DSCAM: variants seen among roughly 807,000 people sequenced by gnomAD.
DSCAM encodes DS cell adhesion molecule, also known as cell adhesion molecule DSCAM.
DSCAM carries 47 observed loss-of-function variants against 217.7 expected under a neutral mutation model. That is an observed-to-expected ratio of 0.22 (90% confidence interval 0.17 to 0.28). The LOEUF is 0.28. DSCAM is among the 10% of genes least tolerant of loss of function. DSCAM has a pLI of 1.00. For synonymous variants in DSCAM, 1,056 were observed against 1,015.3 expected, an observed-to-expected ratio of 1.04 and a Z score of -0.76; for missense variants, 2,080 against 2,618.3, an observed-to-expected ratio of 0.79 and a Z score of 4.49.
At chr21:40,073,949 AATGTAC>A (rs1209629446) in intron 27 of DSCAM, among the ~76,000 whole-genome samples, 1 of 152,210 alleles carries the variant, frequency 6.6e-6, no homozygotes, top group East Asian at 1.9e-4. Context: ...GATGAAGTAC[AATGTAC>A]TTCAGAATTG....
chr21:40,165,963 CT>C (rs2090590618), intron 16 of DSCAM, among the ~76,000 whole-genome samples: 1 of 152,134 alleles, frequency 6.6e-6, no homozygotes, highest in Admixed American at 6.5e-5. Flanking sequence ...ACTCCTCGGC[CT>C]GCACTTTCTA....
chr21:40,773,970 C>G (rs1284949214), intron 1 of DSCAM, among the ~76,000 whole-genome samples: 2 of 152,162 alleles, frequency 1.3e-5, no homozygotes, highest in East Asian at 1.9e-4. Flanking sequence ...ATGCATCCCC[C>G]CTACCCTGAA....
intron 11 of DSCAM, among the ~76,000 whole-genome samples, chr21:40,197,661 C>G (rs1450557824): frequency 6.6e-6 from 1 of 152,200 alleles, no homozygotes; most frequent in East Asian, 1.9e-4. Context: ...CCTCCAGGGT[C>G]TGGAAAGCTA....
At chr21:40,770,703 G>C (rs1350070906) in intron 1 of DSCAM, among the ~76,000 whole-genome samples, 3 of 152,186 alleles carry the variant, frequency 2.0e-5, no homozygotes, top group East Asian at 3.9e-4. Flanking sequence ...AACCCTACAG[G>C]AGGCGAATGT....
intron 29 of DSCAM, among the ~76,000 whole-genome samples, chr21:40,052,717 A>G (rs1262115770): frequency 6.6e-6 from 1 of 152,200 alleles, no homozygotes; most frequent in African/African-American, 2.4e-5. Context: ...TGTAAGCTTT[A>G]AGCACTCTAG....
intron 3 of DSCAM, among the ~76,000 whole-genome samples, chr21:40,666,449 A>G (rs994501493): frequency 6.6e-6 from 1 of 152,210 alleles, no homozygotes; most frequent in African/African-American, 2.4e-5. Context: ...AGGTGGTCCC[A>G]TTGCTGATAC....
At chr21:40,142,116 A>C (rs891401458) in intron 18 of DSCAM, among the ~76,000 whole-genome samples, 1 of 152,162 alleles carries the variant, frequency 6.6e-6, no homozygotes, top group Non-Finnish European at 1.5e-5. Flanking sequence ...GCCCCCCTCC[A>C]TGTGCCTGGG....
chr21:40,756,254 TG>T (rs1477679507), intron 1 of DSCAM, among the ~76,000 whole-genome samples: 1 of 152,208 alleles, frequency 6.6e-6, no homozygotes. Context: ...AGGAGCTGCC[TG>T]CTCCCTCTTT....
intron 3 of DSCAM, among the ~76,000 whole-genome samples, chr21:40,403,696 AT>A (rs2075258250): frequency 6.6e-6 from 1 of 151,762 alleles, no homozygotes; most frequent in Non-Finnish European, 1.5e-5. Context: ...AGAGCCATAA[AT>A]TTCACCATGA....
intron 16 of DSCAM, among the ~76,000 whole-genome samples, chr21:40,147,544 T>C (rs965644615): frequency 2.0e-5 from 3 of 152,264 alleles, no homozygotes; most frequent in African/African-American, 7.2e-5. Context: ...GCTTATTTTT[T>C]CTTAGTTGAT....
At chr21:40,528,208 C>T (rs2076415182) in intron 3 of DSCAM, among the ~76,000 whole-genome samples, 1 of 152,100 alleles carries the variant, frequency 6.6e-6, no homozygotes, top group Non-Finnish European at 1.5e-5. Context: ...TGGTGAAATT[C>T]AAGAATCTAC....
intron 3 of DSCAM, among the ~76,000 whole-genome samples, chr21:40,440,038 C>CA (rs2075617142): frequency 7.3e-6 from 1 of 137,596 alleles, no homozygotes; most frequent in Non-Finnish European, 1.5e-5. Flanking sequence ...ACAGTATTTA[C>CA]AAAAAAGTAT....
chr21:40,490,145 A>G (rs2076064755), intron 3 of DSCAM, among the ~76,000 whole-genome samples: 2 of 152,152 alleles, frequency 1.3e-5, no homozygotes, highest in Admixed American at 1.3e-4. Context: ...ATTTCCTGAG[A>G]CTTATTCATT....
chr21:40,735,973 C>G (rs2142133), intron 1 of DSCAM, among the ~76,000 whole-genome samples: 97,748 of 151,916 alleles, frequency 0.64, 33,093 homozygotes, highest in African/African-American at 0.87. Context: ...GCAAGTAGCT[C>G]ATCCCCAGGC....
At chr21:40,291,500 C>T (rs979281258) in intron 10 of DSCAM, among the ~76,000 whole-genome samples, 1 of 152,170 alleles carries the variant, frequency 6.6e-6, no homozygotes, top group Non-Finnish European at 1.5e-5. Context: ...CAGGAGTCTC[C>T]TCTCCCAGGA....
chr21:40,461,551 G>A (rs977909393), intron 3 of DSCAM, among the ~76,000 whole-genome samples: 1 of 152,054 alleles, frequency 6.6e-6, no homozygotes, highest in Non-Finnish European at 1.5e-5. Flanking sequence ...GGGTCTGGGG[G>A]GAGGCAGGTG....
chr21:40,262,304 T>A (rs986851298), intron 11 of DSCAM, among the ~76,000 whole-genome samples: 4 of 152,254 alleles, frequency 2.6e-5, no homozygotes, highest in Middle Eastern at 6.8e-3. Flanking sequence ...TAATTAGATT[T>A]AGATGAGGTC....
intron 3 of DSCAM, among the ~76,000 whole-genome samples, chr21:40,385,646 A>T (rs2075076745): frequency 6.6e-6 from 1 of 152,182 alleles, no homozygotes; most frequent in African/African-American, 2.4e-5. Context: ...GGCTTGGCAC[A>T]TGCTGTAGGC....
chr21:40,435,777 T>A lies in DSCAM; in HGVS notation c.509-66532A>T, dbSNP rs532720647. ...CCTTTACCTATACAGACAGTTCCTGTCCGATGGTTTGACTTAGGATTTTTG... is the reference window on the plus strand; with the variant it reads ...CCTTTACCTATACAGACAGTTCCTGACCGATGGTTTGACTTAGGATTTTTG... On this transcript the variant is annotated intron_variant, in intron 3 of 32. Coordinates refer to ENST00000400454, the MANE Select transcript of DSCAM (RefSeq NM_001389.5). Among the ~76,000 whole-genome samples, 309 of 152,340 alleles carry A rather than the reference T, an allele frequency of 2.0e-3. 1 individual carries two copies. The highest frequency in any genetic ancestry group is 7.1e-3 in the African/African-American group (295 of 41,576).
Sources: allele counts gnomAD v4.1 joint callset (sites outside exome capture counted in the v4.1 genomes callset), GRCh38; gene constraint gnomAD v4.1.1; transcripts MANE v1.5; gene names NCBI Gene and HGNC (gene_info 2026-07-23, HGNC 2026-07-21).